The following XKRX variants were observed in gnomAD, a reference collection of about 807,000 sequenced individuals.
The protein encoded by XKRX is XK-related protein 2.
A neutral mutation model predicts 22.4 loss-of-function variants in XKRX; 11 were observed. The ratio of observed to expected loss-of-function variants is 0.49; its 90% CI spans 0.31 to 0.81. The LOEUF (loss-of-function observed/expected upper bound fraction) is 0.81. XKRX is among the 40% of genes least tolerant of loss of function. The pLI is 0.05. For missense variants in XKRX, 320 were observed against 336.5 expected (o/e 0.95, Z 0.38); for synonymous variants, 114 against 132.2 (o/e 0.86, Z 0.94).
chrX:100,933,447 A>T (rs2085526913), upstream of XKRX, among the ~76,000 whole-genome samples: 1 of 101,867 alleles, frequency 9.8e-6, no homozygotes, highest in Admixed American at 1.1e-4. Flanking sequence ...GTGCCATTGC[A>T]CTCCAACCTA....
chrX:100,898,956 T>C, the XKRX span, among the ~76,000 whole-genome samples: 1 of 111,243 alleles, frequency 9.0e-6, no homozygotes, highest in Non-Finnish European at 1.9e-5. Flanking sequence ...CTTTAACAAG[T>C]AGTTTAGAAA....
chrX:100,906,183 C>T, the XKRX span, among the ~76,000 whole-genome samples: 5 of 111,555 alleles, frequency 4.5e-5, no homozygotes, highest in African/African-American at 1.6e-4. Flanking sequence ...AAGTGCATAG[C>T]CTCCCTCTTC....
At chrX:100,943,407 GT>G in the XKRX span, among the ~76,000 whole-genome samples, 1 of 110,884 alleles carries the variant, frequency 9.0e-6, no homozygotes, top group Admixed American at 9.6e-5. Context: ...GTTTTGTTTT[GT>G]TTTGTTTTGT....
chrX:100,927,941 G>C, intron 1 of XKRX, 29 bp downstream of exon 1: 1 of 1,163,514 alleles, frequency 8.6e-7, no homozygotes, highest in Non-Finnish European at 1.1e-6. Context: ...GGGTTAGGGG[G>C]GTAAGGAAAA....
the XKRX span, among the ~76,000 whole-genome samples, chrX:100,906,198 A>C: frequency 8.9e-6 from 1 of 111,732 alleles, no homozygotes; most frequent in Admixed American, 9.6e-5. Context: ...CTCTTCATCA[A>C]CATCCCTCAT....
the XKRX span, among the ~76,000 whole-genome samples, chrX:100,954,959 G>A: frequency 9.0e-6 from 1 of 111,572 alleles, no homozygotes; most frequent in Non-Finnish European, 1.9e-5. Context: ...GGCACGGGGG[G>A]AGTGATAAAA....
chrX:100,897,122 T>G, the XKRX span, among the ~76,000 whole-genome samples: 1 of 111,151 alleles, frequency 9.0e-6, no homozygotes, highest in African/African-American at 3.3e-5. Context: ...ATTATTGGTT[T>G]GTTTAGAATT....
At chrX:100,932,421 T>C (rs889963289), upstream of XKRX, among the ~76,000 whole-genome samples, 1 of 111,568 alleles carries the variant, frequency 9.0e-6, no homozygotes, top group Non-Finnish European at 1.9e-5. Flanking sequence ...GAATGCCAGG[T>C]AGTGTTCAAG....
At chrX:100,939,396 G>A in the XKRX span, among the ~76,000 whole-genome samples, 1 of 112,168 alleles carries the variant, frequency 8.9e-6, no homozygotes, top group Non-Finnish European at 1.9e-5. Flanking sequence ...TTGAGGCAAT[G>A]TTTTGGCTCA....
chrX:100,910,936 G>T (rs1381558619), downstream of XKRX: 2 of 566,326 alleles, frequency 3.5e-6, no homozygotes, highest in Non-Finnish European at 6.2e-6. Context: ...CCAAACACAA[G>T]AATAATGAAA....
the XKRX span, chrX:100,888,356 A>C: frequency 1.4e-6 from 1 of 728,326 alleles, no homozygotes; most frequent in Non-Finnish European, 2.1e-6. Context: ...TTTTCCATCC[A>C]CCTTGTGTGG....
upstream of XKRX, among the ~76,000 whole-genome samples, chrX:100,929,638 G>A (rs1035829187): frequency 4.5e-5 from 5 of 111,703 alleles, no homozygotes; most frequent in African/African-American, 1.6e-4. Flanking sequence ...GTTTTCGGCG[G>A]AGGGAAGATA....
the XKRX span, among the ~76,000 whole-genome samples, chrX:100,901,004 A>C: frequency 9.1e-6 from 1 of 109,846 alleles, no homozygotes; most frequent in African/African-American, 3.3e-5. Context: ...GTTAGCCAGG[A>C]TGGTCTCGAT....
rs112637918 is a variant in XKRX at position 100,926,703 on chromosome X, T to A, written c.335+1267A>T. Among the ~76,000 whole-genome samples, 3 of 111,596 alleles carry A rather than the reference T, an allele frequency of 2.7e-5. 1 individual carries two copies. In the Admixed American group the frequency reaches 2.9e-4, roughly 11 times the overall value. ...CCTTGAAAACCCCATAGCATCCAGATGAGACTGTTGACACAGGTGCCTATC... is the reference window on the plus strand; with the variant it reads ...CCTTGAAAACCCCATAGCATCCAGAAGAGACTGTTGACACAGGTGCCTATC... On this transcript the variant is annotated intron_variant, in intron 1 of 2. Transcript: ENST00000372956.
At chrX:100,898,666 G>C in the XKRX span, among the ~76,000 whole-genome samples, 1 of 109,673 alleles carries the variant, frequency 9.1e-6, no homozygotes, top group African/African-American at 3.3e-5. Context: ...AGGTTTGAGA[G>C]AACCTTAAGC....
chrX:100,894,135 C>T, the XKRX span, among the ~76,000 whole-genome samples: 1 of 111,198 alleles, frequency 9.0e-6, no homozygotes, highest in South Asian at 3.9e-4. Flanking sequence ...AGCATGGTGG[C>T]GCATGCCTGT....
chrX:100,938,202 G>A, the XKRX span, among the ~76,000 whole-genome samples: 17 of 111,997 alleles, frequency 1.5e-4, no homozygotes, highest in South Asian at 1.9e-3. Context: ...CAGGTAGACC[G>A]GATAGTGACA....
chrX:100,899,191 G>A, the XKRX span, among the ~76,000 whole-genome samples: 1 of 112,762 alleles, frequency 8.9e-6, no homozygotes, highest in Non-Finnish European at 1.9e-5. Flanking sequence ...AATCACTAGC[G>A]AAAGATTTTA....
chrX:100,896,686 C>T, the XKRX span, among the ~76,000 whole-genome samples: 1 of 111,295 alleles, frequency 9.0e-6, no homozygotes, highest in South Asian at 3.8e-4. Context: ...ATTAAGTGAC[C>T]AGGCACAGCG....
Sources: allele counts gnomAD v4.1 joint callset (sites outside exome capture counted in the v4.1 genomes callset), GRCh38; gene constraint gnomAD v4.1.1; transcripts MANE v1.5; gene names NCBI Gene and HGNC (gene_info 2026-07-23, HGNC 2026-07-21).